DKC1: variants seen among roughly 807,000 people sequenced by gnomAD.
The protein encoded by DKC1 is H/ACA ribonucleoprotein complex subunit DKC1.
DKC1 carries 4 observed loss-of-function variants against 46.7 expected under a neutral mutation model. The observed-to-expected ratio is 0.09, with a 90% CI of 0.04 to 0.20. The LOEUF is 0.20. Among genes scored for constraint, DKC1 ranks in the 10% least tolerant of loss-of-function variants. The probability of loss-of-function intolerance (pLI) is 1.00; values close to 1 mark genes in which losing one functional copy is unlikely to be tolerated. For missense variants in DKC1, 171 were observed against 404.2 expected (o/e 0.42, Z 4.95); for synonymous variants, 141 against 142.4 (o/e 0.99, Z 0.07).
chrX:154,775,307 C>T (rs1557265564), intron 13 of DKC1, 34 bp downstream of exon 13: 2 of 1,165,655 alleles, frequency 1.7e-6, no homozygotes, highest in Non-Finnish European at 2.3e-6. Flanking sequence ...TTGGAATGTG[C>T]TTAGGGAGAT....
intron 5 of DKC1, 134 bp from the exon 6 acceptor site, chrX:154,766,863 G>A: frequency 1.7e-6 from 1 of 585,977 alleles, no homozygotes; most frequent in Non-Finnish European, 2.9e-6. Context: ...CTCTCTTAAT[G>A]CAAATTTTAT....
chrX:154,767,517 T>G, intron 7 of DKC1, 135 bp downstream of exon 7: 1 of 785,901 alleles, frequency 1.3e-6, no homozygotes, highest in South Asian at 2.2e-5. Context: ...TGGGCGATAG[T>G]TTTTGTTATC....
intron 1 of DKC1, among the ~76,000 whole-genome samples, 164 bp downstream of exon 1, chrX:154,763,145 C>G (rs1557263767): frequency 8.9e-6 from 1 of 112,314 alleles, no homozygotes; most frequent in Non-Finnish European, 1.9e-5. Flanking sequence ...GCCCTGGCTC[C>G]GTGGCAAGGG....
rs782185559 is a variant in DKC1, at chrX:154,774,802, A to G, written c.1259+97A>G. 3.9e-6 allele frequency: 3 copies of G among 762,306 alleles called. No homozygotes were observed. The South Asian group carries it at 6.4e-5, about 16-fold the overall frequency. The allele number at this position is 762,306 out of a possible 1,213,427, so 62.8% of individuals were successfully genotyped here. On this transcript the variant is annotated intron_variant, in intron 12 of 14. Coordinates refer to ENST00000369550, the MANE Select transcript of DKC1 (RefSeq NM_001363.5). ...CAACAACAGGTGAGGATGGGAAGGT[A>G]GAGCCCACTTGCCATCTGGACGCAG...
At chrX:154,766,601 A>G in intron 5 of DKC1, 2 of 454,288 alleles carry the variant, frequency 4.4e-6, no homozygotes, top group Non-Finnish European at 3.8e-6. Flanking sequence ...CATACTAAGC[A>G]TGTATTCATC....
chrX:154,765,255 T>A lies in DKC1; in HGVS notation c.85-189T>A. ...CTTTCTCTTTAAATGTTTGGACCCA[T>A]CTTAGTGACATTTCACTTCCCCTCT... On this transcript the variant is annotated intron_variant, in intron 2 of 14. Coordinates refer to ENST00000369550, the MANE Select transcript of DKC1 (RefSeq NM_001363.5). 5 of 525,077 alleles carry A rather than the reference T, an allele frequency of 9.5e-6. No homozygotes were observed. The East Asian group carries it at 1.7e-4, about 18-fold the overall frequency. 43.3% of individuals were successfully genotyped at this position (525,077 alleles called of 1,213,427 possible).
chrX:154,776,608 A>G (rs1390403157), intron 14 of DKC1, among the ~76,000 whole-genome samples, 191 bp from the exon 15 acceptor site: 1 of 112,026 alleles, frequency 8.9e-6, no homozygotes, highest in Non-Finnish European at 1.9e-5. Flanking sequence ...TCCACTTCCA[A>G]AAGTAGACCA....
intron 4 of DKC1, 74 bp from the exon 5 acceptor site, chrX:154,766,142 A>G (rs1782478715): frequency 9.0e-7 from 1 of 1,105,836 alleles, no homozygotes; most frequent in Non-Finnish European, 1.2e-6. Flanking sequence ...TTTTCTTTTT[A>G]ACTTTTCAGA....
rs781861230 is a variant in DKC1 at position 154,776,853 on chromosome X, T to A, written c.1531T>A (p.Leu511Met). The A allele has an allele frequency of 8.3e-7, 1 of 1,204,129 alleles. No individual in the cohort carries two copies. Among genetic ancestry groups the A allele is most frequent in the South Asian group, 1.8e-5 (1 of 56,063 alleles). The part of the protein sequence containing the change: ...KKKKKAKEVE[L>M]VSE ...GAAGAAGAAAGCAAAAGAGGTAGAA[T>A]TGGTTTCTGAGTAGTGAAGGCCACT... Residue 511 changes from leucine to methionine, a missense_variant, in exon 15 of 15, where the codon TTG becomes ATG. Leu to Met is a conservative substitution (Grantham distance 15, BLOSUM62 2). Transcript: ENST00000369550.
In DKC1 at chrX:154,768,064, A is replaced by T. The variant is rs191450613; in HGVS notation, c.641-238A>T. On this transcript the variant is annotated intron_variant, in intron 7 of 14. Transcript: ENST00000369550. ...ACGGGGTTTCACCATGTTAGCCAGGATGGTCTTGATCTCCTGACGTCGTGA... is the reference window on the plus strand; with the variant it reads ...ACGGGGTTTCACCATGTTAGCCAGGTTGGTCTTGATCTCCTGACGTCGTGA... 10,366 of 375,653 alleles carry T rather than the reference A, an allele frequency of 0.028. 135 individuals are homozygous for T. The highest frequency in any genetic ancestry group is 0.045 in the South Asian group (1,346 of 29,899). The allele number at this position is 375,653 out of a possible 1,213,427, so 31.0% of individuals were successfully genotyped here.
chrX:154,766,461 A>G (rs782196089), intron 5 of DKC1, 61 bp downstream of exon 5: 32 of 1,015,568 alleles, frequency 3.2e-5, no homozygotes, highest in Non-Finnish European at 4.4e-5. Flanking sequence ...TTTCCCTTCT[A>G]TGTTTTGTCT....
intron 1 of DKC1, among the ~76,000 whole-genome samples, chrX:154,763,892 C>T (rs1004417248): frequency 9.0e-6 from 1 of 111,556 alleles, no homozygotes; most frequent in Non-Finnish European, 1.9e-5. Context: ...AGCACAGGGC[C>T]GGGCGCGGTG....
At chrX:154,763,066 G>T in intron 1 of DKC1, 85 bp downstream of exon 1, 1 of 1,065,755 alleles carries the variant, frequency 9.4e-7, no homozygotes, top group Non-Finnish European at 1.3e-6. Flanking sequence ...GCCCGCGCAC[G>T]CCTCCCTCTG....
chrX:154,765,780 T>G (rs782537853), intron 3 of DKC1, 127 bp from the exon 4 acceptor site: 25 of 586,591 alleles, frequency 4.3e-5, no homozygotes, highest in Non-Finnish European at 7.1e-5. Flanking sequence ...TCAACAGTTC[T>G]CAGTTTTTGT....
chrX:154,767,843 CTTTTTTTTTTT>C lies in DKC1; in HGVS notation c.641-444_641-434del, dbSNP rs35184460. Reference sequence around the variant, plus strand: ...TTCTGCTAATATCAGAATTACAGATCTTTTTTTTTTTTTTTTTTTTTTTTTGAGACGGAGTC... The same window carrying C: ...TTCTGCTAATATCAGAATTACAGATCTTTTTTTTTTTTTTGAGACGGAGTC... On this transcript the variant is annotated intron_variant, in intron 7 of 14. Transcript: ENST00000369550. 3.2e-4 allele frequency among the ~76,000 whole-genome samples: 21 copies of C among 65,179 alleles called. 1 individual carries two copies. The East Asian group carries it at 9.3e-3, about 29-fold the overall frequency. The allele number at this position is 65,179 out of a possible 115,157, so 56.6% of individuals were successfully genotyped here.
intron 2 of DKC1, 106 bp downstream of exon 2, chrX:154,765,072 C>T (rs2071728953): frequency 3.0e-6 from 2 of 659,472 alleles, no homozygotes; most frequent in Admixed American, 2.4e-5. Context: ...AATGGGCCAG[C>T]ATTGGTAGTC....
chrX:154,762,879 G>A lies in DKC1; in HGVS notation c.-87G>A, dbSNP rs1252129300. On this transcript the variant is annotated 5_prime_UTR_variant, in exon 1 of 15. Coordinates refer to ENST00000369550, the MANE Select transcript of DKC1 (RefSeq NM_001363.5). ...GTGCGCGGGTGGGTGGGTCCTAGCA[G>A]CGCGGCCTGACGGGACCAAGGCGGC... is the stretch of plus-strand genomic sequence containing the variant. The A allele has an allele frequency of 9.0e-7, 1 of 1,107,203 alleles. No homozygotes were observed. Among genetic ancestry groups the A allele is most frequent in the Non-Finnish European group, 1.2e-6 (1 of 818,694 alleles). The allele number at this position is 1,107,203 out of a possible 1,213,427, so 91.2% of individuals were successfully genotyped here.
rs2071754609 is a variant in DKC1 at position 154,767,041 on chromosome X, G to A, written c.493G>A (p.Gly165Arg). Residue 165 changes from glycine (G) to arginine (R), a missense_variant, in exon 6 of 15, where the codon GGG (glycine) becomes AGG (arginine). Around this residue, in one of 4 missense-constraint regions of DKC1, gnomAD observed 16 missense variants for 16.0 expected, o/e 1.00. Transcript: ENST00000369550. ...TGTCCGGCTGCACAATGCTATTGAA[G>A]GGGGGACCCAGCTTTCTAGGGTAAG... The part of the protein sequence containing the change: ...GIVRLHNAIE[G>R]GTQLSRALET... The A allele has an allele frequency of 5.0e-6, 6 of 1,209,380 alleles. No homozygotes were observed. The highest frequency in any genetic ancestry group is 6.7e-6 in the Non-Finnish European group (6 of 894,636).
chrX:154,771,601 C>T (rs139822110), intron 10 of DKC1, among the ~76,000 whole-genome samples: 2 of 109,179 alleles, frequency 1.8e-5, no homozygotes, highest in East Asian at 5.7e-4. Context: ...TCAATTGTTT[C>T]GATTCTTAGC....
Sources: gnomAD v4.1 joint callset for allele counts (sites outside exome capture counted in the v4.1 genomes callset) on GRCh38, gnomAD v4.1.1 for gene constraint, gnomAD v4.1.1 regional missense constraint, MANE v1.5 for transcripts, NCBI Gene and HGNC (gene_info 2026-07-23, HGNC 2026-07-21) for gene names.